Variants in LASP1 observed in about 807,000 individuals in gnomAD.
LASP1 encodes LIM and SH3 protein 1, also known as LIM and SH3 domain protein 1.
A neutral mutation model predicts 38.6 loss-of-function variants in LASP1; 10 were observed. That is an observed-to-expected ratio of 0.26 (90% confidence interval 0.16 to 0.44). The LOEUF is 0.44. LASP1 is among the 20% of genes least tolerant of loss of function. The pLI, the probability that LASP1 is intolerant of heterozygous loss-of-function variation, is 1.00. For missense variants in LASP1, 243 were observed against 375.7 expected (o/e 0.65, Z 2.92); for synonymous variants, 132 against 140.8 (o/e 0.94, Z 0.44).
intron 1 of LASP1, among the ~76,000 whole-genome samples, chr17:38,877,515 AG>A (rs1303926678): frequency 6.6e-6 from 1 of 152,142 alleles, no homozygotes; most frequent in Non-Finnish European, 1.5e-5. Flanking sequence ...GGCATCCCAC[AG>A]GAAGTGGGAG....
intron 2 of LASP1, among the ~76,000 whole-genome samples, chr17:38,885,974 T>C (rs1198519688): frequency 6.6e-6 from 1 of 152,086 alleles, no homozygotes; most frequent in Non-Finnish European, 1.5e-5. Flanking sequence ...CTCACCTAAA[T>C]TATCCAGAAA....
At chr17:38,916,867 A>G (rs931839547) in intron 6 of LASP1, 2 of 152,180 alleles carry the variant, frequency 1.3e-5, no homozygotes, top group Non-Finnish European at 2.9e-5. Context: ...CAGCTAGAAA[A>G]AAAAAAAGAA....
rs140625898 is a variant in LASP1, at chr17:38,878,080, C to T, written c.70-6C>T. On this transcript the variant is annotated splice_region_variant and splice_polypyrimidine_tract_variant and intron_variant, in intron 1 of 6. Coordinates refer to ENST00000318008, the MANE Select transcript of LASP1 (RefSeq NM_006148.4). ...CTGATGTATGTCCTCCTGTCTCCAT[C>T]CCCAGTTCTGGCATAAAGCATGCTT... 1 of 1,608,960 alleles carries T rather than the reference C, an allele frequency of 6.2e-7. No homozygotes were observed. The highest frequency in any genetic ancestry group is 8.5e-7 in the Non-Finnish European group (1 of 1,175,348).
chr17:38,890,804 A>G (rs1011850555), intron 3 of LASP1, among the ~76,000 whole-genome samples: 1 of 151,914 alleles, frequency 6.6e-6, no homozygotes, highest in Admixed American at 6.6e-5. Context: ...CCTCTTCCCC[A>G]TTCACACTCA....
At chr17:38,911,501 C>G (rs1279916617) in intron 4 of LASP1, among the ~76,000 whole-genome samples, 1 of 152,222 alleles carries the variant, frequency 6.6e-6, no homozygotes, top group African/African-American at 2.4e-5. Context: ...AGTGTATCAA[C>G]TAGGGCTGCT....
chr17:38,870,990 G>A (rs948776378), intron 1 of LASP1, among the ~76,000 whole-genome samples: 1 of 152,208 alleles, frequency 6.6e-6, no homozygotes, highest in South Asian at 2.1e-4. Context: ...TGGCAGAGTA[G>A]GGTGGGTGGA....
chr17:38,896,598 G>A (rs1914498519), intron 3 of LASP1, among the ~76,000 whole-genome samples: 1 of 152,274 alleles, frequency 6.6e-6, no homozygotes, highest in South Asian at 2.1e-4. Context: ...AGGGGACGGA[G>A]TGGGGGACTG....
intron 2 of LASP1, among the ~76,000 whole-genome samples, chr17:38,879,627 GA>G (rs910156857): frequency 3.4e-5 from 5 of 148,742 alleles, no homozygotes; most frequent in African/African-American, 7.4e-5. Context: ...TTCACCCAGG[GA>G]AAAAAAAATT....
rs780334769 is a variant in LASP1 at position 38,918,846 on chromosome 17, C to T, written c.*68C>T. 19 of 1,541,220 alleles carry T rather than the reference C, an allele frequency of 1.2e-5. No individual in the cohort carries two copies. The South Asian group carries it at 2.1e-4, about 17-fold the overall frequency. ...CGCATCCGTCCTGGGCGTGACCCGTCCATTCTTCAGTGTCTCTGTTTTTTA... is the reference window on the plus strand; with the variant it reads ...CGCATCCGTCCTGGGCGTGACCCGTTCATTCTTCAGTGTCTCTGTTTTTTA... On this transcript the variant is annotated 3_prime_UTR_variant, in exon 7 of 7. Coordinates refer to ENST00000318008, the MANE Select transcript of LASP1 (RefSeq NM_006148.4). This position sits in a 1 kb window ranked among gnomAD's most constrained non-coding sequence, Gnocchi z 4.4.
intron 2 of LASP1, among the ~76,000 whole-genome samples, chr17:38,889,116 G>GT (rs968012193): frequency 1.3e-4 from 20 of 151,208 alleles, no homozygotes; most frequent in South Asian, 8.4e-4. Context: ...TTCACTGTTT[G>GT]TTTTTTTTTG....
chr17:38,890,392 C>T (rs866672731), intron 2 of LASP1, 28 bp from the exon 3 acceptor site: 6 of 1,595,420 alleles, frequency 3.8e-6, no homozygotes, highest in African/African-American at 2.7e-5. Flanking sequence ...CCCAGAGTCA[C>T]CCCCACTCTG....
At chr17:38,871,373 AG>A (rs1480992706) in intron 1 of LASP1, among the ~76,000 whole-genome samples, 7 of 151,504 alleles carry the variant, frequency 4.6e-5, no homozygotes, top group Non-Finnish European at 7.4e-5. Flanking sequence ...TCTGGAGGGG[AG>A]GCCTCTGTGA....
At chr17:38,903,348 G>T (rs1914696109) in intron 4 of LASP1, among the ~76,000 whole-genome samples, 1 of 152,008 alleles carries the variant, frequency 6.6e-6, no homozygotes, top group South Asian at 2.1e-4. Context: ...CTTGGCATGG[G>T]ATAAATGATA....
At chr17:38,883,861 T>G (rs1033391739) in intron 2 of LASP1, among the ~76,000 whole-genome samples, 1 of 151,754 alleles carries the variant, frequency 6.6e-6, no homozygotes, top group Non-Finnish European at 1.5e-5. Context: ...CAATGCCTCC[T>G]TGTTGCTTCC....
At chr17:38,914,957 G>A (rs1162282658) in intron 5 of LASP1, 86 bp from the exon 6 acceptor site, 2 of 1,241,696 alleles carry the variant, frequency 1.6e-6, no homozygotes, top group East Asian at 2.3e-5. Flanking sequence ...CGGGGTGGAA[G>A]TGCATGGTAT....
intron 4 of LASP1, among the ~76,000 whole-genome samples, chr17:38,914,001 C>G (rs1467188139): frequency 7.4e-6 from 1 of 134,610 alleles, no homozygotes; most frequent in Non-Finnish European, 1.6e-5. Context: ...AACTCCGTCT[C>G]GAAAAAAAAA....
chr17:38,870,068 C>G lies in LASP1; in HGVS notation c.-122C>G. ...AGGGCGGAGGCGGAGGCCAGTTCCCCAGCTCCAGCCGCCGTCGCTGCTGCC... is the reference window on the plus strand; with the variant it reads ...AGGGCGGAGGCGGAGGCCAGTTCCCGAGCTCCAGCCGCCGTCGCTGCTGCC... On this transcript the variant is annotated 5_prime_UTR_variant, in exon 1 of 7. Transcript: ENST00000318008. 9.5e-7 allele frequency: 1 copy of G among 1,058,014 alleles called. No homozygotes were observed. Among genetic ancestry groups the G allele is most frequent in the Admixed American group, 2.0e-5 (1 of 50,132 alleles). The allele number at this position is 1,058,014 out of a possible 1,614,324, so 65.5% of individuals were successfully genotyped here. A position where few individuals can be genotyped will look rare whatever the true frequency, so the allele number is the denominator to read the frequency against.
At chr17:38,889,342 G>C (rs1365774296) in intron 2 of LASP1, among the ~76,000 whole-genome samples, 1 of 152,120 alleles carries the variant, frequency 6.6e-6, no homozygotes, top group East Asian at 1.9e-4. Context: ...ATATTGACCA[G>C]GCTAGTCTTG....
At position 38,902,752 on chromosome 17, in the gene LASP1, G is replaced by A. The variant is rs147830816; in HGVS notation, c.357+4233G>A. ...GAGTCTCGCTCTGTCGCCCAGGCTG[G>A]AGTGCAGTGGCGTGATCTTGGCTCA... On this transcript the variant is annotated intron_variant, in intron 4 of 6. Transcript: ENST00000318008. Among the ~76,000 whole-genome samples the A allele has an allele frequency of 7.5e-3, 1,142 of 152,136 alleles. 20 individuals are homozygous for A. Among genetic ancestry groups the A allele is most frequent in the African/African-American group, 0.026 (1,079 of 41,480 alleles).
Sources: allele counts gnomAD v4.1 joint callset (sites outside exome capture counted in the v4.1 genomes callset), GRCh38; gene constraint gnomAD v4.1.1; non-coding constraint Gnocchi (gnomAD v3.1); transcripts MANE v1.5; gene names NCBI Gene and HGNC (gene_info 2026-07-23, HGNC 2026-07-21).